The following USP34 variants were observed in gnomAD, a reference collection of about 807,000 sequenced individuals.
USP34 encodes ubiquitin carboxyl-terminal hydrolase 34.
A neutral mutation model predicts 460.3 loss-of-function variants in USP34; 70 were observed. The observed-to-expected ratio is 0.15, with a 90% CI of 0.13 to 0.19. The LOEUF (loss-of-function observed/expected upper bound fraction) is 0.19, where lower values mean the gene tolerates loss of function less well. Ranked by LOEUF, USP34 falls within the 10% of genes least tolerant of loss-of-function variation. The pLI is 1.00. For missense variants in USP34, 3,985 were observed against 4,236.2 expected, an observed-to-expected ratio of 0.94 and a Z score of 1.65; for synonymous variants, 1,647 against 1,405.3, an observed-to-expected ratio of 1.17 and a Z score of -3.85.
At chr2:61,192,780 C>T in intron 76 of USP34, 121 bp downstream of exon 76, 1 of 664,726 alleles carries the variant, frequency 1.5e-6, no homozygotes, top group Non-Finnish European at 2.5e-6. Flanking sequence ...TCATATGTTA[C>T]CTATCAAGAT....
chr2:61,252,751 T>G (rs1296467694), intron 48 of USP34, among the ~76,000 whole-genome samples: 3 of 152,128 alleles, frequency 2.0e-5, no homozygotes, highest in Non-Finnish European at 4.4e-5. Flanking sequence ...GTGAACTTCA[T>G]CCTAACAATT....
chr2:61,236,276 AT>A, intron 54 of USP34, 40 bp from the exon 55 acceptor site: 1 of 1,594,294 alleles, frequency 6.3e-7, no homozygotes, highest in East Asian at 2.2e-5. Context: ...CACACGTAAG[AT>A]TTTTTTAAAA....
chr2:61,207,054 A>C, intron 70 of USP34, 168 bp from the exon 71 acceptor site: 1 of 644,406 alleles, frequency 1.6e-6, no homozygotes, highest in Non-Finnish European at 2.5e-6. Flanking sequence ...ACTCTCATTA[A>C]GCTCTTTTAA....
At position 61,257,016 on chromosome 2, in the gene USP34, G is replaced by C. The variant is rs372719067; in HGVS notation, c.6048+36C>G. 86 of 1,446,308 alleles carry C rather than the reference G, an allele frequency of 5.9e-5. No homozygotes were observed. The Middle Eastern group carries it at 1.4e-3, about 23-fold the overall frequency. 89.6% of individuals were successfully genotyped at this position (1,446,308 alleles called of 1,614,324 possible). A position where few individuals can be genotyped will look rare whatever the true frequency, so the allele number is the denominator to read the frequency against. ...TATAATATAAATGAAAATATATTAA[G>C]ATCTCCAAAAAGTAAAAACCAGGTA... On this transcript the variant is annotated intron_variant, in intron 46 of 79. Transcript: ENST00000398571.
intron 3 of USP34, among the ~76,000 whole-genome samples, chr2:61,397,699 G>C (rs1484696160): frequency 6.6e-6 from 1 of 151,962 alleles, no homozygotes. Flanking sequence ...AGGAGATCAA[G>C]ACCATCCTGG....
chr2:61,442,926 C>CACACAA (rs753531536), intron 1 of USP34, among the ~76,000 whole-genome samples: 2,688 of 151,854 alleles, frequency 0.018, 43 homozygotes, highest in Non-Finnish European at 0.029. Flanking sequence ...CACACACACA[C>CACACAA]ACACACACAG....
chr2:61,239,818 C>G (rs1688193769), intron 53 of USP34, among the ~76,000 whole-genome samples: 1 of 152,012 alleles, frequency 6.6e-6, no homozygotes, highest in African/African-American at 2.4e-5. Context: ...ACCATCCTGG[C>G]TAACACAGTG....
In USP34 at chr2:61,248,660, C is replaced by T. The variant is rs571807812; in HGVS notation, c.6245G>A (p.Arg2082His). 1.6e-5 allele frequency: 25 copies of T among 1,554,502 alleles called. No homozygotes were observed. Among genetic ancestry groups the T allele is most frequent in the African/African-American group, 6.8e-5 (5 of 73,132 alleles). ...TCTCATAGTATTGAAACTCAAAATG[C>T]GAGGCAATTTCTTAAAACATGCCCT... ...EKRACFKKLPRILSFNTMRYT... is the reference protein window; with the variant it reads ...EKRACFKKLPHILSFNTMRYT... Residue 2082 changes from arginine to histidine, a missense_variant, in exon 49 of 80, where the codon CGC becomes CAC. By Grantham distance (29) the Arg-to-His change is conservative. This residue lies in a region of USP34 where 145 missense variants were observed against 291.6 expected (regional missense o/e 0.50). Coordinates refer to ENST00000398571, the MANE Select transcript of USP34 (RefSeq NM_014709.4).
At chr2:61,221,812 T>TA (rs1411181816) in intron 65 of USP34, 27 of 411,738 alleles carry the variant, frequency 6.6e-5, no homozygotes, top group African/African-American at 5.6e-4. Context: ...CCACGTATGA[T>TA]AGATTTTTCT....
At chr2:61,469,001 G>A (rs1695866641) in intron 1 of USP34, among the ~76,000 whole-genome samples, 2 of 152,186 alleles carry the variant, frequency 1.3e-5, no homozygotes, top group South Asian at 2.1e-4. Flanking sequence ...AAGGTCAGGA[G>A]CTCAAGACCA....
At chr2:61,279,578 C>G (rs961760837) in intron 39 of USP34, among the ~76,000 whole-genome samples, 2 of 152,132 alleles carry the variant, frequency 1.3e-5, no homozygotes, top group African/African-American at 4.8e-5. Context: ...AGCGATTCTG[C>G]CTCAGCCCTC....
At chr2:61,347,557 A>T (rs1691809464) in intron 15 of USP34, among the ~76,000 whole-genome samples, 1 of 152,100 alleles carries the variant, frequency 6.6e-6, no homozygotes, top group South Asian at 2.1e-4. Flanking sequence ...TATTTTTAGT[A>T]GAGATGGGGT....
intron 76 of USP34, chr2:61,191,310 C>T (rs183886858): frequency 7.9e-5 from 12 of 152,312 alleles, no homozygotes; most frequent in East Asian, 3.8e-4. Flanking sequence ...TAAGCAGATA[C>T]ACTCCATAGA....
intron 75 of USP34, chr2:61,194,341 A>C (rs909076334): frequency 2.1e-6 from 2 of 974,414 alleles, no homozygotes; most frequent in African/African-American, 3.5e-5. Context: ...AAACAAGGAC[A>C]TGTCATCACA....
intron 3 of USP34, among the ~76,000 whole-genome samples, chr2:61,400,358 C>T (rs1693678575): frequency 6.6e-6 from 1 of 152,064 alleles, no homozygotes; most frequent in African/African-American, 2.4e-5. Flanking sequence ...ATCCACCCGC[C>T]TCGGCCTCCC....
At chr2:61,278,898 CTT>C (rs554710573) in intron 39 of USP34, among the ~76,000 whole-genome samples, 3 of 152,180 alleles carry the variant, frequency 2.0e-5, no homozygotes, top group African/African-American at 7.2e-5. Flanking sequence ...TTAAATTAGA[CTT>C]TTAACAATAA....
chr2:61,401,760 G>A (rs1293580031), intron 3 of USP34, among the ~76,000 whole-genome samples: 8 of 143,794 alleles, frequency 5.6e-5, no homozygotes, highest in South Asian at 2.3e-4. Context: ...GCGTTTTACC[G>A]TGTTAGCCAG....
chr2:61,194,935 A>G (rs1686753022), intron 75 of USP34, among the ~76,000 whole-genome samples: 1 of 146,570 alleles, frequency 6.8e-6, no homozygotes, highest in South Asian at 2.2e-4. Context: ...CCTGGACAAC[A>G]AGAGTGAAAC....
At chr2:61,302,014 A>AG (rs1275188537) in intron 27 of USP34, among the ~76,000 whole-genome samples, 1 of 152,228 alleles carries the variant, frequency 6.6e-6, no homozygotes, top group Non-Finnish European at 1.5e-5. Context: ...GGAAAAGGAA[A>AG]GGAAGACTGA....
Sources: allele counts gnomAD v4.1 joint callset (sites outside exome capture counted in the v4.1 genomes callset), GRCh38; gene constraint gnomAD v4.1.1; regional missense constraint gnomAD v4.1.1; transcripts MANE v1.5; gene names NCBI Gene and HGNC (gene_info 2026-07-23, HGNC 2026-07-21).